The following PBX3 variants were observed in gnomAD, a reference collection of about 807,000 sequenced individuals.
PBX3 encodes the protein pre-B-cell leukemia transcription factor 3.
PBX3 carries 14 observed loss-of-function variants against 48.5 expected under a neutral mutation model. That is an observed-to-expected ratio of 0.29 (90% confidence interval 0.19 to 0.45). The LOEUF is 0.45. PBX3 is among the 20% of genes least tolerant of loss of function. The probability of loss-of-function intolerance (pLI) is 1.00; values close to 1 mark genes in which losing one functional copy is unlikely to be tolerated. For synonymous variants in PBX3, 210 were observed against 200.3 expected (o/e 1.05, Z -0.41); for missense variants, 386 against 546.7 (o/e 0.71, Z 2.93).
chr9:125,779,989 C>T (rs1837208145), intron 2 of PBX3, among the ~76,000 whole-genome samples: 1 of 139,908 alleles, frequency 7.1e-6, no homozygotes. Context: ...CAGAGGGGCT[C>T]CTCACTTCCC....
intron 2 of PBX3, among the ~76,000 whole-genome samples, chr9:125,794,880 A>T (rs868397336): frequency 2.6e-5 from 4 of 152,310 alleles, no homozygotes; most frequent in Non-Finnish European, 4.4e-5. Context: ...CTAGCTGGCT[A>T]GGCAACCCTT....
In PBX3 at chr9:125,786,239, A is replaced by G. The variant is rs145276466; in HGVS notation, c.274+37616A>G. On this transcript the variant is annotated intron_variant, in intron 2 of 8. Coordinates refer to ENST00000373489, the MANE Select transcript of PBX3 (RefSeq NM_006195.6). ...CTAAGAGAGGAGATTTGAGCTACAC[A>G]TATGAACTGAGATGTCACCTGCTTA... Among the ~76,000 whole-genome samples the G allele has an allele frequency of 7.9e-3, 1,196 of 152,300 alleles. 4 individuals carry two copies. Among genetic ancestry groups the G allele is most frequent in the Non-Finnish European group, 0.012 (791 of 68,020 alleles).
chr9:125,761,230 A>G (rs756084067), intron 2 of PBX3, among the ~76,000 whole-genome samples: 6 of 151,402 alleles, frequency 4.0e-5, no homozygotes, highest in Non-Finnish European at 7.4e-5. Flanking sequence ...TTTTTGCTAG[A>G]TCCTTTAGCT....
chr9:125,957,482 T>C (rs951043416), intron 5 of PBX3, among the ~76,000 whole-genome samples: 4 of 152,230 alleles, frequency 2.6e-5, no homozygotes, highest in Non-Finnish European at 2.9e-5. Context: ...GAGAATTAAA[T>C]AAACCTTTAT....
At chr9:125,801,449 AT>A (rs1177882974) in intron 2 of PBX3, among the ~76,000 whole-genome samples, 1 of 152,216 alleles carries the variant, frequency 6.6e-6, no homozygotes, top group Non-Finnish European at 1.5e-5. Flanking sequence ...ACTGAGTAAA[AT>A]TATTTCCTTC....
At position 125,929,718 on chromosome 9, in the gene PBX3, A is replaced by G. The variant is rs762763325; in HGVS notation, c.580A>G (p.Ile194Val). 2.5e-6 allele frequency: 4 copies of G among 1,614,028 alleles called. No homozygotes were observed. Among genetic ancestry groups the G allele is most frequent in the Non-Finnish European group, 3.4e-6 (4 of 1,179,942 alleles). Reference protein sequence around the residue: ...LLREQSRTRPISPKEIERMVG... With the variant: ...LLREQSRTRPVSPKEIERMVG... ...CCGAGAACAGAGTAGAACACGTCCC[A>G]TTTCTCCAAAAGAGATTGAAAGAAT... The change falls in exon 4 of 9, where the codon ATT (isoleucine) becomes GTT (valine). Residue 194 changes from isoleucine to valine, a missense_variant. Ile to Val is a conservative substitution (Grantham distance 29, BLOSUM62 3). Coordinates refer to ENST00000373489, the MANE Select transcript of PBX3 (RefSeq NM_006195.6).
intron 2 of PBX3, among the ~76,000 whole-genome samples, chr9:125,863,573 A>G (rs1646967863): frequency 6.6e-6 from 1 of 152,184 alleles, no homozygotes; most frequent in South Asian, 2.1e-4. Context: ...TAAGTATAGT[A>G]GATACTTTCT....
At chr9:125,949,565 A>G (rs1188982962) in intron 5 of PBX3, 2 of 1,311,998 alleles carry the variant, frequency 1.5e-6, no homozygotes, top group Non-Finnish European at 2.0e-6. Flanking sequence ...CCAAAAATGC[A>G]TGAGATTCAT....
rs964411331 is a variant in PBX3, at chr9:125,759,538, C to T, written c.274+10915C>T. ...TGAAAGAAAAAGAACTGTAATCGCA[C>T]ATTTACATATGCTTCTAATTGTTGA... On this transcript the variant is annotated intron_variant, in intron 2 of 8. Coordinates refer to ENST00000373489, the MANE Select transcript of PBX3 (RefSeq NM_006195.6). This position sits in a 1 kb window ranked among gnomAD's most constrained non-coding sequence, Gnocchi z 4.2. Among the ~76,000 whole-genome samples the T allele has an allele frequency of 6.6e-6, 1 of 152,194 alleles. No individual in the cohort carries two copies. Among genetic ancestry groups the T allele is most frequent in the Non-Finnish European group, 1.5e-5 (1 of 68,034 alleles).
rs2131971697 is a variant in PBX3 at position 125,759,970 on chromosome 9, T to C, written c.274+11347T>C. 6.6e-6 allele frequency among the ~76,000 whole-genome samples: 1 copy of C among 152,344 alleles called. No homozygotes were observed. The highest frequency in any genetic ancestry group is 1.9e-4 in the East Asian group (1 of 5,192). The stretch of plus-strand genomic sequence containing the variant: ...TTGTGGGAGCACTGCTGTTGTCAAG[T>C]GCCGCTGAGCAGCTCTGCTCCATCA... On this transcript the variant is annotated intron_variant, in intron 2 of 8. Coordinates refer to ENST00000373489, the MANE Select transcript of PBX3 (RefSeq NM_006195.6). This position sits in a 1 kb window ranked among gnomAD's most constrained non-coding sequence, Gnocchi z 4.2.
At chr9:125,962,722 C>T (rs533394207) in intron 7 of PBX3, among the ~76,000 whole-genome samples, 1 of 152,240 alleles carries the variant, frequency 6.6e-6, no homozygotes, top group African/African-American at 2.4e-5. Flanking sequence ...ATTCCATATA[C>T]ACAATTCTAA....
chr9:125,872,483 G>A (rs1019840775), intron 2 of PBX3, among the ~76,000 whole-genome samples: 1 of 152,176 alleles, frequency 6.6e-6, no homozygotes, highest in Non-Finnish European at 1.5e-5. Flanking sequence ...ATCAGATAAA[G>A]TAAACTTGAA....
At chr9:125,875,659 C>A (rs1182034081) in intron 2 of PBX3, among the ~76,000 whole-genome samples, 1 of 152,142 alleles carries the variant, frequency 6.6e-6, no homozygotes, top group East Asian at 1.9e-4. Context: ...GACCTTCTGC[C>A]GCCACCTCGC....
intron 3 of PBX3, 50 bp from the exon 4 acceptor site, chr9:125,929,605 G>C (rs373016933): frequency 4.6e-6 from 6 of 1,294,550 alleles, no homozygotes; most frequent in African/African-American, 1.5e-5. Context: ...GAATGTCTTC[G>C]TGTGATAGTA....
intron 2 of PBX3, 117 bp downstream of exon 2, chr9:125,748,740 T>C (rs1490907759): frequency 1.6e-5 from 11 of 688,182 alleles, no homozygotes; most frequent in Non-Finnish European, 2.8e-5. Context: ...TTGATCATTC[T>C]CTCCTTCCCA....
At chr9:125,767,210 C>G (rs551243687) in intron 2 of PBX3, among the ~76,000 whole-genome samples, 64 of 152,326 alleles carry the variant, frequency 4.2e-4, no homozygotes, top group African/African-American at 1.5e-3. Context: ...CATGGATTCT[C>G]TTAGTTGCAG....
intron 2 of PBX3, 142 bp downstream of exon 2, chr9:125,748,765 GA>G: frequency 3.4e-6 from 2 of 585,164 alleles, no homozygotes; most frequent in South Asian, 4.1e-5. Context: ...CTGATCTTGA[GA>G]AAAAACTGCA....
At chr9:125,802,741 C>T (rs533534806) in intron 2 of PBX3, among the ~76,000 whole-genome samples, 44 of 151,552 alleles carry the variant, frequency 2.9e-4, no homozygotes, top group Non-Finnish European at 5.9e-4. Context: ...TGCAGTGGTG[C>T]GATCTCGGCT....
chr9:125,849,476 A>G (rs1051127017), intron 2 of PBX3, among the ~76,000 whole-genome samples: 1 of 151,976 alleles, frequency 6.6e-6, no homozygotes, highest in Admixed American at 6.6e-5. Context: ...TAACATGCAC[A>G]TTTTAAAATG....
Sources: allele counts gnomAD v4.1 joint callset (sites outside exome capture counted in the v4.1 genomes callset), GRCh38; gene constraint gnomAD v4.1.1; non-coding constraint Gnocchi (gnomAD v3.1); transcripts MANE v1.5; gene names NCBI Gene and HGNC (gene_info 2026-07-23, HGNC 2026-07-21).